SLC26A7: variants seen among roughly 807,000 people sequenced by gnomAD.
The protein encoded by SLC26A7 is solute carrier family 26 member 7.
Under a neutral mutation model 82.5 loss-of-function variants are expected in SLC26A7, and 59 were observed. That is an observed-to-expected ratio of 0.72 (90% CI 0.58 to 0.89). The LOEUF is 0.89. Ranked by LOEUF, SLC26A7 falls within the 40% of genes least tolerant of loss-of-function variation. The pLI, the probability that SLC26A7 is intolerant of heterozygous loss-of-function variation, is 0.00. For missense variants in SLC26A7, 820 were observed against 793.0 expected, an observed-to-expected ratio of 1.03 and a Z score of -0.41; for synonymous variants, 271 against 274.3, an observed-to-expected ratio of 0.99 and a Z score of 0.12.
chr8:91,348,447 G>A (rs2130851927), intron 9 of SLC26A7: 1 of 666,544 alleles, frequency 1.5e-6, no homozygotes, highest in South Asian at 6.6e-5. Flanking sequence ...AACTAACATA[G>A]AGCATATAAA....
At chr8:91,375,196 C>G (rs1019149568) in intron 15 of SLC26A7, among the ~76,000 whole-genome samples, 1 of 151,686 alleles carries the variant, frequency 6.6e-6, no homozygotes, top group Admixed American at 6.6e-5. Context: ...TCCATTTTGC[C>G]AAGCCATATC....
intron 3 of SLC26A7, among the ~76,000 whole-genome samples, chr8:91,293,161 T>C (rs77505754): frequency 1.3e-5 from 2 of 152,302 alleles, no homozygotes; most frequent in East Asian, 3.9e-4. Flanking sequence ...CAGAGGTTCA[T>C]ATTAAGTAGA....
intron 4 of SLC26A7, among the ~76,000 whole-genome samples, chr8:91,310,548 C>T (rs995594707): frequency 4.0e-5 from 6 of 151,754 alleles, no homozygotes; most frequent in East Asian, 3.9e-4. Flanking sequence ...AATGTTAAAA[C>T]GAAATAAGGG....
Position 91,343,486 on chromosome 8 carries a change from G to T in SLC26A7, c.1140+20G>T. ...ACACAGGTAACTGAATTGTTCCACA[G>T]GGACAAAGCACTGCTGGGCCTTCAC... On this transcript the variant is annotated intron_variant, in intron 9 of 18. Transcript: ENST00000276609. 6.3e-7 allele frequency: 1 copy of T among 1,576,064 alleles called. No homozygotes were observed.
At chr8:91,231,254 A>C (rs1810306485) in intron 2 of SLC26A7, among the ~76,000 whole-genome samples, 1 of 152,336 alleles carries the variant, frequency 6.6e-6, no homozygotes, top group Middle Eastern at 3.4e-3. Flanking sequence ...ATGAGGAATG[A>C]ATTATATCCT....
intron 5 of SLC26A7, among the ~76,000 whole-genome samples, chr8:91,319,411 G>A (rs148180637): frequency 1.3e-5 from 2 of 152,242 alleles, no homozygotes; most frequent in African/African-American, 4.8e-5. Context: ...GAAAAAAATG[G>A]TATCACTTGT....
intron 16 of SLC26A7, among the ~76,000 whole-genome samples, chr8:91,391,435 A>T (rs1270559457): frequency 6.6e-6 from 1 of 152,200 alleles, no homozygotes; most frequent in South Asian, 2.1e-4. Flanking sequence ...TCTAGTGGCT[A>T]TTTTTAGCAA....
At chr8:91,294,240 A>C (rs1235103634) in intron 3 of SLC26A7, among the ~76,000 whole-genome samples, 1 of 152,220 alleles carries the variant, frequency 6.6e-6, no homozygotes, top group Non-Finnish European at 1.5e-5. Flanking sequence ...ACTACATGTC[A>C]TCTTCTATGA....
At chr8:91,249,022 G>A (rs1448156009), upstream of SLC26A7, among the ~76,000 whole-genome samples, 2 of 152,078 alleles carry the variant, frequency 1.3e-5, no homozygotes, top group Non-Finnish European at 1.5e-5. Flanking sequence ...GCAATGCCCT[G>A]TTATGTTTCT....
chr8:91,341,080 A>G (rs962751249), intron 8 of SLC26A7, among the ~76,000 whole-genome samples: 6 of 151,580 alleles, frequency 4.0e-5, no homozygotes, highest in Admixed American at 1.3e-4. Context: ...CTGGTGCGCT[A>G]CACCCACTAA....
chr8:91,279,123 G>GTATATATATATATATATATATATA (rs1223990677), intron 2 of SLC26A7, among the ~76,000 whole-genome samples: 4 of 78,792 alleles, frequency 5.1e-5, no homozygotes, highest in African/African-American at 2.3e-4. Context: ...GTGTGTGTGT[G>GTATATATATATATATATATATATA]TGTATATATA....
At chr8:91,210,084 G>A (rs1393857577) in intron 1 of SLC26A7, among the ~76,000 whole-genome samples, 2 of 152,122 alleles carry the variant, frequency 1.3e-5, no homozygotes, top group African/African-American at 2.4e-5. Context: ...AACCAACAAC[G>A]ACTTTGGTGG....
chr8:91,387,808 A>G (rs1026854900), intron 15 of SLC26A7, among the ~76,000 whole-genome samples: 1 of 152,226 alleles, frequency 6.6e-6, no homozygotes, highest in Non-Finnish European at 1.5e-5. Flanking sequence ...AAAGAAAGGA[A>G]TAAGACCTCA....
intron 5 of SLC26A7, among the ~76,000 whole-genome samples, chr8:91,320,198 G>A (rs1163231742): frequency 6.6e-6 from 1 of 152,096 alleles, no homozygotes; most frequent in East Asian, 1.9e-4. Context: ...GAGTAGCTGG[G>A]ACTACCAGTG....
chr8:91,345,573 A>T (rs771527681), intron 9 of SLC26A7, among the ~76,000 whole-genome samples: 21 of 152,336 alleles, frequency 1.4e-4, no homozygotes, highest in Non-Finnish European at 2.6e-4. Flanking sequence ...TTAGAAAATA[A>T]TTAAATATGT....
chr8:91,392,397 A>G (rs1228547704), intron 16 of SLC26A7, among the ~76,000 whole-genome samples: 1 of 152,170 alleles, frequency 6.6e-6, no homozygotes, highest in East Asian at 1.9e-4. Flanking sequence ...TACCCACTTC[A>G]TCAAGTTGTT....
intron 2 of SLC26A7, among the ~76,000 whole-genome samples, chr8:91,226,125 C>T (rs1455247774): frequency 2.6e-5 from 4 of 152,192 alleles, no homozygotes; most frequent in Admixed American, 2.6e-4. Flanking sequence ...TCTCTACTCT[C>T]ACCAGTTTCA....
chr8:91,247,735 A>C (rs184256494), upstream of SLC26A7, among the ~76,000 whole-genome samples: 7 of 152,276 alleles, frequency 4.6e-5, no homozygotes, highest in Admixed American at 2.0e-4. Flanking sequence ...TGTTCATGTG[A>C]ATTTTTTGTT....
At chr8:91,316,451 ATTTTTTTTTTTTTTTTTTTTTTTTTTTT>A (rs58981485) in intron 4 of SLC26A7, among the ~76,000 whole-genome samples, 1 of 34,390 alleles carries the variant, frequency 2.9e-5, no homozygotes, top group South Asian at 1.4e-3. Context: ...CTCAACACTA[ATTTTTTTTTTTTTTTTTTTTTTTTTTTT>A]TTTTTTTTTT....
Sources: gnomAD v4.1 joint callset for allele counts (sites outside exome capture counted in the v4.1 genomes callset) on GRCh38, gnomAD v4.1.1 for gene constraint, MANE v1.5 for transcripts, NCBI Gene and HGNC (gene_info 2026-07-23, HGNC 2026-07-21) for gene names.